Variants in PPP2R3A observed in about 807,000 individuals in gnomAD.
The protein encoded by PPP2R3A is protein phosphatase 2 regulatory subunit B''alpha.
Under a neutral mutation model 106.9 loss-of-function variants are expected in PPP2R3A, and 80 were observed. That is an observed-to-expected ratio of 0.75 (90% CI 0.62 to 0.90). The LOEUF is 0.90. PPP2R3A is among the 40% of genes least tolerant of loss of function. The probability of loss-of-function intolerance (pLI) is 0.00; values close to 1 mark genes in which losing one functional copy is unlikely to be tolerated. For missense variants in PPP2R3A, 1,386 were observed against 1,350.4 expected (o/e 1.03, Z -0.41); for synonymous variants, 483 against 468.3 (o/e 1.03, Z -0.41).
rs780080777 is a variant in PPP2R3A at position 136,145,162 on chromosome 3, A to T, written c.3449A>T (p.Glu1150Val). 4 of 1,608,850 alleles carry T rather than the reference A, an allele frequency of 2.5e-6. No individual in the cohort carries two copies. The South Asian group carries it at 4.5e-5, about 18-fold the overall frequency. The part of the protein sequence containing the change: ...KCGKLQSVDE[E>V] ...GGAAAGCTTCAATCAGTGGATGAAGAATAGCTGCCGGTGTCTACAATGAAA... is the reference window on the plus strand; with the variant it reads ...GGAAAGCTTCAATCAGTGGATGAAGTATAGCTGCCGGTGTCTACAATGAAA... The change falls in exon 14 of 14, where the codon GAA (glutamate) becomes GTA (valine). Residue 1150 changes from glutamate to valine, a missense_variant. By Grantham distance (121) the Glu-to-Val change is moderately radical (BLOSUM62 -2). Transcript: ENST00000264977.
chr3:136,133,430 C>T (rs1420054905), intron 13 of PPP2R3A, among the ~76,000 whole-genome samples: 2 of 152,158 alleles, frequency 1.3e-5, no homozygotes, highest in Admixed American at 6.5e-5. Context: ...ATTAAAACCT[C>T]AGTGAGATAT....
intron 2 of PPP2R3A, among the ~76,000 whole-genome samples, chr3:136,024,016 C>T (rs1682721772): frequency 6.6e-6 from 1 of 152,038 alleles, no homozygotes; most frequent in South Asian, 2.1e-4. Context: ...TATGAAATTG[C>T]TTTTTTGTAG....
chr3:136,094,235 G>A (rs969440615), intron 10 of PPP2R3A, among the ~76,000 whole-genome samples: 2 of 152,230 alleles, frequency 1.3e-5, no homozygotes, highest in African/African-American at 4.8e-5. Flanking sequence ...AATGAGGAAT[G>A]AGTGCTAATG....
intron 2 of PPP2R3A, chr3:136,022,819 G>C: frequency 1.6e-6 from 2 of 1,256,182 alleles, no homozygotes; most frequent in Non-Finnish European, 2.0e-6. Context: ...CCCACTGCAG[G>C]CTGTGTTTAT....
chr3:136,103,213 A>G, intron 11 of PPP2R3A, 45 bp from the exon 12 acceptor site: 1 of 1,372,084 alleles, frequency 7.3e-7, no homozygotes, highest in Non-Finnish European at 1.0e-6. Flanking sequence ...CTCTTGCCAA[A>G]ACAGCTCTTG....
intron 4 of PPP2R3A, 133 bp from the exon 5 acceptor site, chr3:136,049,126 T>G: frequency 1.5e-6 from 1 of 658,124 alleles, no homozygotes; most frequent in Non-Finnish European, 2.6e-6. Context: ...AAACATCCTT[T>G]GATTATGTAA....
chr3:136,036,058 A>G (rs1269159943), intron 3 of PPP2R3A, among the ~76,000 whole-genome samples: 2 of 151,738 alleles, frequency 1.3e-5, no homozygotes, highest in Non-Finnish European at 2.9e-5. Flanking sequence ...AAGTGTGTCC[A>G]TTGTTTCCTG....
chr3:136,088,054 C>T (rs1460191584), intron 9 of PPP2R3A, 123 bp downstream of exon 9: 2 of 734,166 alleles, frequency 2.7e-6, no homozygotes, highest in Non-Finnish European at 4.5e-6. Context: ...TCCTATAAAA[C>T]ATAGTTATGG....
At chr3:136,138,027 C>T (rs978614130) in intron 13 of PPP2R3A, among the ~76,000 whole-genome samples, 2 of 151,834 alleles carry the variant, frequency 1.3e-5, no homozygotes, top group African/African-American at 2.4e-5. Context: ...AGAATGGAGG[C>T]TTGTGTGTAT....
intron 13 of PPP2R3A, among the ~76,000 whole-genome samples, chr3:136,107,710 C>A (rs1194441147): frequency 6.6e-6 from 1 of 152,110 alleles, no homozygotes; most frequent in Non-Finnish European, 1.5e-5. Context: ...CCTGCTTAGC[C>A]ACAAAACTAG....
chr3:136,027,868 A>T (rs1188038083), intron 3 of PPP2R3A, among the ~76,000 whole-genome samples: 1 of 152,214 alleles, frequency 6.6e-6, no homozygotes, highest in Non-Finnish European at 1.5e-5. Flanking sequence ...TAAGGGCTGC[A>T]TGGAGGCAAG....
At chr3:136,022,390 AATTCCC>A (rs1934497101) in intron 2 of PPP2R3A, among the ~76,000 whole-genome samples, 2 of 152,258 alleles carry the variant, frequency 1.3e-5, no homozygotes, top group South Asian at 4.1e-4. Context: ...TCTTTTTGTA[AATTCCC>A]ATTTGAGAAT....
chr3:136,015,958 T>C (rs1473366536), intron 2 of PPP2R3A, among the ~76,000 whole-genome samples: 1 of 152,172 alleles, frequency 6.6e-6, no homozygotes, highest in Non-Finnish European at 1.5e-5. Flanking sequence ...CATTTAATGC[T>C]ATGAACTTTA....
intron 13 of PPP2R3A, among the ~76,000 whole-genome samples, chr3:136,125,627 G>A (rs761627893): frequency 9.2e-5 from 14 of 152,134 alleles, no homozygotes; most frequent in South Asian, 2.1e-4. Context: ...TGGGAGGATC[G>A]CTTGAGCCCA....
rs1010534238 is a variant in PPP2R3A at position 135,966,062 on chromosome 3, C to T, written c.-441+213C>T. The stretch of plus-strand genomic sequence containing the variant: ...CGGTGCGGTGCGGTGCGGTGCGTTG[C>T]CTCGGCGCGGCCGGCCGGTCCCGGG... On this transcript the variant is annotated intron_variant, in intron 1 of 13. Coordinates refer to ENST00000264977, the MANE Select transcript of PPP2R3A (RefSeq NM_002718.5). 2.6e-5 allele frequency among the ~76,000 whole-genome samples: 4 copies of T among 151,990 alleles called. No individual in the cohort carries two copies. The East Asian group carries it at 7.8e-4, about 30-fold the overall frequency.
At chr3:136,040,330 G>GAT (rs1935223582) in intron 3 of PPP2R3A, among the ~76,000 whole-genome samples, 1 of 152,082 alleles carries the variant, frequency 6.6e-6, no homozygotes, top group Non-Finnish European at 1.5e-5. Context: ...ATTTGAGATC[G>GAT]GAAGGTCAAG....
intron 1 of PPP2R3A, among the ~76,000 whole-genome samples, chr3:135,994,046 CTT>C (rs1014968451): frequency 1.1e-4 from 17 of 152,114 alleles, no homozygotes; most frequent in African/African-American, 1.9e-4. Flanking sequence ...GGATTACAAA[CTT>C]AATATGTTTT....
chr3:136,134,847 AAGAC>A (rs1312691478), intron 13 of PPP2R3A, among the ~76,000 whole-genome samples: 1 of 152,292 alleles, frequency 6.6e-6, no homozygotes, highest in Non-Finnish European at 1.5e-5. Flanking sequence ...TCACCACCCA[AAGAC>A]AGGCTGTTTT....
chr3:136,027,788 A>G (rs1240897658), intron 3 of PPP2R3A, among the ~76,000 whole-genome samples: 1 of 152,198 alleles, frequency 6.6e-6, no homozygotes, highest in East Asian at 1.9e-4. Context: ...AATATTGAAG[A>G]GTCAGGTCAC....
Sources: allele counts gnomAD v4.1 joint callset (sites outside exome capture counted in the v4.1 genomes callset), GRCh38; gene constraint gnomAD v4.1.1; transcripts MANE v1.5; gene names NCBI Gene and HGNC (gene_info 2026-07-23, HGNC 2026-07-21).